Variants in GLIS3 observed in about 807,000 individuals in gnomAD.
GLIS3 encodes zinc finger protein GLIS3.
Under a neutral mutation model 78.6 loss-of-function variants are expected in GLIS3, and 53 were observed. The observed-to-expected ratio is 0.67, with a 90% CI of 0.54 to 0.85. The LOEUF (loss-of-function observed/expected upper bound fraction) is 0.85, where lower values mean the gene tolerates loss of function less well. GLIS3 is among the 40% of genes least tolerant of loss of function. The pLI, the probability that GLIS3 is intolerant of heterozygous loss-of-function variation, is 0.00. For synonymous variants in GLIS3, 684 were observed against 509.9 expected (o/e 1.34, Z -4.60); for missense variants, 1,703 against 1,231.1 (o/e 1.38, Z -5.74).
chr9:3,891,666 C>T (rs1194536868), intron 7 of GLIS3, among the ~76,000 whole-genome samples: 2 of 152,198 alleles, frequency 1.3e-5, no homozygotes, highest in Non-Finnish European at 2.9e-5. Flanking sequence ...CATGCCACTG[C>T]ACTCTAGCGT....
chr9:4,002,825 T>C (rs1339952782), intron 4 of GLIS3, among the ~76,000 whole-genome samples: 2 of 152,174 alleles, frequency 1.3e-5, no homozygotes, highest in Non-Finnish European at 2.9e-5. Context: ...TTATCACCGA[T>C]GTTACCATTT....
At chr9:3,891,201 A>G (rs1822416171) in intron 7 of GLIS3, among the ~76,000 whole-genome samples, 1 of 152,190 alleles carries the variant, frequency 6.6e-6, no homozygotes, top group South Asian at 2.1e-4. Flanking sequence ...TTTAGATAAA[A>G]GCAACAATAG....
rs80304774 is a variant in GLIS3 at position 4,234,172 on chromosome 9, G to A, written c.388+51866C>T. 1.2e-3 allele frequency among the ~76,000 whole-genome samples: 176 copies of A among 152,252 alleles called. 4 individuals carry two copies. The East Asian group carries it at 0.033, about 29-fold the overall frequency. On this transcript the variant is annotated intron_variant, in intron 2 of 10. Coordinates refer to ENST00000381971, the MANE Select transcript of GLIS3 (RefSeq NM_001042413.2). ...CATATCCTTCTTGTGTTCATGGGAG[G>A]AGCACTTCTAATTTCTTTCAAGAAC... is the stretch of plus-strand genomic sequence containing the variant.
intron 4 of GLIS3, among the ~76,000 whole-genome samples, chr9:4,095,035 A>G (rs1037553687): frequency 1.3e-5 from 2 of 152,182 alleles, no homozygotes; most frequent in Admixed American, 6.5e-5. Context: ...TGTTGGGAAC[A>G]TTCAATACCC....
At chr9:3,853,236 A>T (rs192730672) in intron 9 of GLIS3, among the ~76,000 whole-genome samples, 13 of 152,194 alleles carry the variant, frequency 8.5e-5, no homozygotes, top group Non-Finnish European at 1.8e-4. Context: ...TGTGAGAGTT[A>T]AAAAAATCCC....
the GLIS3 span, among the ~76,000 whole-genome samples, chr9:4,429,763 G>A: frequency 6.6e-6 from 1 of 152,198 alleles, no homozygotes; most frequent in East Asian, 1.9e-4. Flanking sequence ...TTAAAATTAT[G>A]GAATGGAGAA....
the GLIS3 span, among the ~76,000 whole-genome samples, chr9:4,449,824 C>G: frequency 1.3e-5 from 2 of 152,080 alleles, no homozygotes; most frequent in African/African-American, 2.4e-5. Flanking sequence ...ACATCCACAC[C>G]AAAACCCTAT....
chr9:4,288,557 A>C (rs987937386), intron 1 of GLIS3, among the ~76,000 whole-genome samples: 6 of 152,194 alleles, frequency 3.9e-5, no homozygotes, highest in African/African-American at 1.4e-4. Context: ...GGATAAAAAC[A>C]CATAAGGAGG....
intron 2 of GLIS3, among the ~76,000 whole-genome samples, chr9:4,200,483 C>G (rs1819277575): frequency 1.3e-5 from 2 of 152,056 alleles, no homozygotes; most frequent in African/African-American, 4.8e-5. Context: ...ACATTACAAC[C>G]AATCCCAAAG....
At chr9:4,464,035 G>A in the GLIS3 span, among the ~76,000 whole-genome samples, 1 of 152,204 alleles carries the variant, frequency 6.6e-6, no homozygotes, top group African/African-American at 2.4e-5. Flanking sequence ...GGGTCCTAAA[G>A]TGTAGAACAT....
the GLIS3 span, among the ~76,000 whole-genome samples, chr9:4,425,937 G>T: frequency 6.6e-6 from 1 of 152,176 alleles, no homozygotes; most frequent in East Asian, 1.9e-4. Flanking sequence ...AAAGATGGGT[G>T]CTGACTCTGT....
At chr9:4,427,245 A>G in the GLIS3 span, among the ~76,000 whole-genome samples, 537 of 152,286 alleles carry the variant, frequency 3.5e-3, 5 homozygotes, top group African/African-American at 0.012. Flanking sequence ...CTGTGTCCCA[A>G]TCACAGAATT....
chr9:4,102,976 G>GA (rs1037310102), intron 4 of GLIS3, among the ~76,000 whole-genome samples: 20 of 150,114 alleles, frequency 1.3e-4, no homozygotes, highest in Middle Eastern at 3.5e-3. Context: ...CATGTAAAAT[G>GA]AAAAAAAAAT....
At chr9:4,032,533 G>C (rs958894754) in intron 4 of GLIS3, among the ~76,000 whole-genome samples, 3 of 152,028 alleles carry the variant, frequency 2.0e-5, no homozygotes, top group African/African-American at 4.8e-5. Context: ...TGGCAGAATG[G>C]CTCATAAAAC....
intron 4 of GLIS3, among the ~76,000 whole-genome samples, chr9:4,080,217 T>C (rs1425292896): frequency 6.6e-6 from 1 of 152,236 alleles, no homozygotes; most frequent in Non-Finnish European, 1.5e-5. Flanking sequence ...CATTTATTTT[T>C]CCAGCATTCT....
the GLIS3 span, among the ~76,000 whole-genome samples, chr9:4,393,057 T>G: frequency 6.6e-6 from 1 of 152,196 alleles, no homozygotes; most frequent in Non-Finnish European, 1.5e-5. Context: ...CATAATGGTG[T>G]GTAAAAAATG....
At chr9:4,219,974 G>C (rs1387152758) in intron 2 of GLIS3, among the ~76,000 whole-genome samples, 2 of 152,194 alleles carry the variant, frequency 1.3e-5, no homozygotes, top group South Asian at 2.1e-4. Flanking sequence ...GCTGATTCCA[G>C]AGCTAAGGCA....
intron 4 of GLIS3, among the ~76,000 whole-genome samples, chr9:4,114,960 A>T (rs571102740): frequency 6.6e-6 from 1 of 152,198 alleles, no homozygotes; most frequent in East Asian, 1.9e-4. Context: ...CAGGGTTCTG[A>T]TAAGTCCAGG....
At chr9:3,898,121 G>GT (rs1210860091) in intron 7 of GLIS3, 10 of 164,604 alleles carry the variant, frequency 6.1e-5, no homozygotes, top group African/African-American at 1.7e-4. Context: ...TATTTTTTTT[G>GT]TTTTTTACTA....
Sources: allele counts gnomAD v4.1 joint callset (sites outside exome capture counted in the v4.1 genomes callset), GRCh38; gene constraint gnomAD v4.1.1; transcripts MANE v1.5; gene names NCBI Gene and HGNC (gene_info 2026-07-23, HGNC 2026-07-21).